Variants in IRAG1 observed in about 807,000 individuals in gnomAD.
IRAG1 encodes the protein IP3R-associated cGMP kinase substrate.
In IRAG1, 62 loss-of-function variants were observed where a neutral mutation model predicts 106.2. The ratio of observed to expected loss-of-function variants is 0.58; its 90% confidence interval spans 0.48 to 0.72. The LOEUF (loss-of-function observed/expected upper bound fraction) is 0.72, where lower values mean the gene tolerates loss of function less well. Among genes scored for constraint, IRAG1 ranks in the 30% least tolerant of loss-of-function variants. IRAG1 has a pLI of 0.00. For missense variants in IRAG1, 1,064 were observed against 1,140.7 expected, an observed-to-expected ratio of 0.93 and a Z score of 0.97; for synonymous variants, 462 against 443.9, an observed-to-expected ratio of 1.04 and a Z score of -0.51.
At chr11:10,664,428 G>T (rs1205256097) in intron 1 of IRAG1, among the ~76,000 whole-genome samples, 1 of 152,208 alleles carries the variant, frequency 6.6e-6, no homozygotes, top group Admixed American at 6.5e-5. Flanking sequence ...TTGAGATAGG[G>T]GTTCAGGGAC....
chr11:10,662,178 G>A (rs780708137), intron 1 of IRAG1, among the ~76,000 whole-genome samples: 27 of 152,222 alleles, frequency 1.8e-4, no homozygotes, highest in South Asian at 6.2e-4. Flanking sequence ...AGATCAAGGC[G>A]GGTGGATCAC....
chr11:10,665,684 A>G lies in IRAG1; in HGVS notation c.68-13502T>C, dbSNP rs567613654. ...ACCCCAGCACCAGAGTTTAGGGTGG[A>G]GACTCCCATGTGCAGGACAGGAAGG... On this transcript the variant is annotated intron_variant, in intron 1 of 20. Transcript: ENST00000423302. This position sits in a 1 kb window ranked among gnomAD's most constrained non-coding sequence, Gnocchi z 4.2. Among the ~76,000 whole-genome samples, 1 of 152,238 alleles carries G rather than the reference A, an allele frequency of 6.6e-6. No individual in the cohort carries two copies. Among genetic ancestry groups the G allele is most frequent in the South Asian group, 2.1e-4 (1 of 4,820 alleles).
At chr11:10,588,947 G>A (rs1852339036) in intron 18 of IRAG1, 1 of 152,130 alleles carries the variant, frequency 6.6e-6, no homozygotes, top group South Asian at 2.1e-4. Context: ...AACTGCTCTT[G>A]AGCTTTGTTT....
At chr11:10,618,397 C>T (rs1231150728) in intron 10 of IRAG1, among the ~76,000 whole-genome samples, 1 of 152,208 alleles carries the variant, frequency 6.6e-6, no homozygotes, top group South Asian at 2.1e-4. Flanking sequence ...TGAGCTTATT[C>T]GTTCATACAT....
intron 12 of IRAG1, among the ~76,000 whole-genome samples, chr11:10,605,295 G>A (rs1467824249): frequency 1.3e-5 from 2 of 152,228 alleles, no homozygotes; most frequent in African/African-American, 4.8e-5. Context: ...CATCTGCCCT[G>A]AGTGGTAGCA....
intron 15 of IRAG1, among the ~76,000 whole-genome samples, chr11:10,595,189 T>C (rs1049863270): frequency 5.3e-5 from 8 of 149,628 alleles, no homozygotes; most frequent in African/African-American, 2.0e-4. Flanking sequence ...CCGCCCAAGG[T>C]GCTAGAATTA....
intron 10 of IRAG1, among the ~76,000 whole-genome samples, chr11:10,620,223 T>C (rs1460909847): frequency 2.0e-5 from 3 of 152,154 alleles, no homozygotes; most frequent in Non-Finnish European, 4.4e-5. Flanking sequence ...AGAAGTAGTA[T>C]TTTTATAATG....
chr11:10,591,916 T>C (rs577307026), intron 17 of IRAG1, among the ~76,000 whole-genome samples: 1 of 152,336 alleles, frequency 6.6e-6, no homozygotes, highest in South Asian at 2.1e-4. Context: ...AGTTTTTCTC[T>C]GTCCCGTTTA....
intron 10 of IRAG1, among the ~76,000 whole-genome samples, chr11:10,610,190 T>A (rs1854825626): frequency 6.6e-6 from 1 of 152,248 alleles, no homozygotes; most frequent in Non-Finnish European, 1.5e-5. Context: ...GCTCTTTGGC[T>A]ATAATGTTTG....
At chr11:10,596,214 G>C (rs1327820556) in intron 15 of IRAG1, among the ~76,000 whole-genome samples, 1 of 152,088 alleles carries the variant, frequency 6.6e-6, no homozygotes, top group Non-Finnish European at 1.5e-5. Flanking sequence ...TCCTCTAGTT[G>C]TTCTTTCAGC....
chr11:10,612,891 C>T (rs972142700), intron 10 of IRAG1, among the ~76,000 whole-genome samples: 2 of 151,544 alleles, frequency 1.3e-5, no homozygotes, highest in African/African-American at 4.9e-5. Flanking sequence ...AAATTAAAGA[C>T]CAAAATAAAA....
chr11:10,598,041 C>T (rs1369260883), intron 15 of IRAG1, among the ~76,000 whole-genome samples: 1 of 152,202 alleles, frequency 6.6e-6, no homozygotes, highest in Admixed American at 6.5e-5. Flanking sequence ...AAACAAATTT[C>T]CTTGTTTCTC....
At chr11:10,612,320 G>A (rs1855034362) in intron 10 of IRAG1, among the ~76,000 whole-genome samples, 1 of 152,132 alleles carries the variant, frequency 6.6e-6, no homozygotes, top group African/African-American at 2.4e-5. Context: ...AATAAGATAT[G>A]CCCCCGATTT....
chr11:10,591,655 G>A (rs1333464313), intron 17 of IRAG1, 43 bp from the exon 18 acceptor site: 1 of 1,521,600 alleles, frequency 6.6e-7, no homozygotes. Flanking sequence ...ATGCGCTATG[G>A]AAGGAAGAAG....
chr11:10,629,974 G>A (rs1464032843), intron 4 of IRAG1: 2 of 415,650 alleles, frequency 4.8e-6, no homozygotes, highest in Non-Finnish European at 8.6e-6. Context: ...CCTAAACTCT[G>A]TCAGGAAGGG....
chr11:10,605,448 C>CAGAG (rs139952384), intron 12 of IRAG1, among the ~76,000 whole-genome samples: 1 of 152,156 alleles, frequency 6.6e-6, no homozygotes, highest in Non-Finnish European at 1.5e-5. Context: ...AAAACTACTC[C>CAGAG]TTATTGAGCA....
chr11:10,688,511 T>C (rs1304431032), intron 1 of IRAG1, among the ~76,000 whole-genome samples: 1 of 152,208 alleles, frequency 6.6e-6, no homozygotes, highest in East Asian at 1.9e-4. Flanking sequence ...GTGGCCTCTC[T>C]GTGTCCCTTC....
At chr11:10,624,794 G>A (rs1420672503) in intron 9 of IRAG1, among the ~76,000 whole-genome samples, 1 of 152,130 alleles carries the variant, frequency 6.6e-6, no homozygotes, top group Non-Finnish European at 1.5e-5. Flanking sequence ...AGTGACATGG[G>A]GCCTCCAGGT....
intron 1 of IRAG1, among the ~76,000 whole-genome samples, chr11:10,690,591 C>G (rs981793816): frequency 2.6e-5 from 4 of 152,276 alleles, no homozygotes; most frequent in Non-Finnish European, 5.9e-5. Context: ...ATGATATCCC[C>G]TTTCCCTCTA....
Sources: allele counts gnomAD v4.1 joint callset (sites outside exome capture counted in the v4.1 genomes callset), GRCh38; gene constraint gnomAD v4.1.1; non-coding constraint Gnocchi (gnomAD v3.1); transcripts MANE v1.5; gene names NCBI Gene and HGNC (gene_info 2026-07-23, HGNC 2026-07-21).